FIG4: variants seen among roughly 807,000 people sequenced by gnomAD.
FIG4 encodes FIG4 phosphoinositide 5-phosphatase.
Under a neutral mutation model 118.6 loss-of-function variants are expected in FIG4, and 112 were observed. The observed-to-expected ratio is 0.94, with a 90% CI of 0.81 to 1.11. FIG4 has a LOEUF of 1.11. Ranked by LOEUF, FIG4 falls within the 50% of genes least tolerant of loss-of-function variation. The pLI, the probability that FIG4 is intolerant of heterozygous loss-of-function variation, is 0.00. For synonymous variants in FIG4, 369 were observed against 381.2 expected, an observed-to-expected ratio of 0.97 and a Z score of 0.37; for missense variants, 969 against 1,111.7, an observed-to-expected ratio of 0.87 and a Z score of 1.83.
At chr6:109,762,449 T>C (rs990374870) in intron 12 of FIG4, among the ~76,000 whole-genome samples, 3 of 151,942 alleles carry the variant, frequency 2.0e-5, no homozygotes, top group Non-Finnish European at 4.4e-5. Context: ...AAATGTTACA[T>C]AAAATATTTC....
intron 10 of FIG4, among the ~76,000 whole-genome samples, chr6:109,744,565 A>C (rs1776424374): frequency 6.6e-6 from 1 of 151,944 alleles, no homozygotes; most frequent in Non-Finnish European, 1.5e-5. Context: ...TTGGTTAATA[A>C]ATGTAGATGA....
Position 109,820,887 on chromosome 6 carries a change from G to A in FIG4, c.2547-4201G>A, listed in dbSNP as rs1341530478. On this transcript the variant is annotated intron_variant, in intron 22 of 22. Transcript: ENST00000230124. ...CCCCCACAGCCATAAAGACCTGCAT[G>A]ATAGCAGTGTGTGTGCAAGAGGAAG... 2.0e-5 allele frequency among the ~76,000 whole-genome samples: 3 copies of A among 152,170 alleles called. No individual in the cohort carries two copies. In the East Asian group the frequency reaches 5.8e-4, roughly 29 times the overall value.
In FIG4 at chr6:109,821,417, C is replaced by T. The variant is rs544703376; in HGVS notation, c.2547-3671C>T. Among the ~76,000 whole-genome samples, 198 of 152,250 alleles carry T rather than the reference C, an allele frequency of 1.3e-3. 1 individual carries two copies. Among genetic ancestry groups the T allele is most frequent in the African/African-American group, 4.5e-3 (185 of 41,546 alleles). ...AATCTCATCATAGAATTATAAAGAA[C>T]AGAGCAAAATAACATTCCTACAGAC... On this transcript the variant is annotated intron_variant, in intron 22 of 22. Coordinates refer to ENST00000230124, the MANE Select transcript of FIG4 (RefSeq NM_014845.6).
chr6:109,731,513 C>G (rs903154696), intron 4 of FIG4, among the ~76,000 whole-genome samples: 1 of 152,098 alleles, frequency 6.6e-6, no homozygotes, highest in African/African-American at 2.4e-5. Flanking sequence ...GGTTCCACCT[C>G]TGTGAATTCA....
chr6:109,813,412 T>G (rs528624659), intron 22 of FIG4, among the ~76,000 whole-genome samples: 3 of 152,356 alleles, frequency 2.0e-5, no homozygotes, highest in Admixed American at 2.0e-4. Flanking sequence ...TAAAATGTCC[T>G]TAATTGCAAA....
At chr6:109,698,509 A>G (rs552838458) in intron 1 of FIG4, among the ~76,000 whole-genome samples, 13 of 152,346 alleles carry the variant, frequency 8.5e-5, no homozygotes, top group African/African-American at 3.1e-4. Flanking sequence ...CTCTTGACCT[A>G]TGGCCCTGGC....
At chr6:109,714,744 C>G (rs1265786958) in intron 1 of FIG4, among the ~76,000 whole-genome samples, 1 of 152,142 alleles carries the variant, frequency 6.6e-6, no homozygotes, top group Admixed American at 6.5e-5. Flanking sequence ...AGAATTTTTA[C>G]CAGAGCTTCT....
chr6:109,820,793 C>CT (rs1409281244), intron 22 of FIG4, among the ~76,000 whole-genome samples: 4 of 152,250 alleles, frequency 2.6e-5, no homozygotes, highest in African/African-American at 9.6e-5. Context: ...ACAGACAACA[C>CT]TTACCTCAAA....
At chr6:109,817,939 C>G (rs1247328717) in intron 22 of FIG4, among the ~76,000 whole-genome samples, 1 of 152,202 alleles carries the variant, frequency 6.6e-6, no homozygotes, top group Non-Finnish European at 1.5e-5. Flanking sequence ...TTTTAGGTAG[C>G]TTTCAGGATC....
At chr6:109,722,493 A>G (rs1446758882) in intron 3 of FIG4, among the ~76,000 whole-genome samples, 1 of 152,124 alleles carries the variant, frequency 6.6e-6, no homozygotes, top group Non-Finnish European at 1.5e-5. Context: ...ATCCTAGCTT[A>G]GACTTTATAG....
intron 22 of FIG4, among the ~76,000 whole-genome samples, chr6:109,818,989 C>T (rs1296244829): frequency 6.6e-6 from 1 of 152,168 alleles, no homozygotes; most frequent in Non-Finnish European, 1.5e-5. Context: ...ACTGTCTGCC[C>T]TTTAGCTTCC....
intron 7 of FIG4, among the ~76,000 whole-genome samples, chr6:109,739,113 A>G (rs1776246899): frequency 6.6e-6 from 1 of 152,158 alleles, no homozygotes; most frequent in South Asian, 2.1e-4. Context: ...TTCAAGCTGG[A>G]TTAAGTAAAA....
chr6:109,696,225 CG>C (rs1479822563), intron 1 of FIG4, among the ~76,000 whole-genome samples: 1 of 152,116 alleles, frequency 6.6e-6, no homozygotes, highest in East Asian at 1.9e-4. Context: ...GTTGCTCTGA[CG>C]GGCTGTTTTC....
chr6:109,732,627 T>TC lies in FIG4; in HGVS notation c.447-10_447-9insC, dbSNP rs2128385199. The TC allele has an allele frequency of 7.5e-7, 1 of 1,334,470 alleles. No homozygotes were observed. The highest frequency in any genetic ancestry group is 1.1e-6 in the Non-Finnish European group (1 of 936,378). The allele number at this position is 1,334,470 out of a possible 1,614,324, so 82.7% of individuals were successfully genotyped here. A position where few individuals can be genotyped will look rare whatever the true frequency, so the allele number is the denominator to read the frequency against. On this transcript the variant is annotated splice_polypyrimidine_tract_variant and intron_variant, in intron 4 of 22. Transcript: ENST00000230124. The stretch of plus-strand genomic sequence containing the variant: ...GACAAATGAAATGTACTTTGTTTTT[T>TC]TTTTTTTAGGTATCTACGAATATTT...
intron 10 of FIG4, among the ~76,000 whole-genome samples, chr6:109,746,941 G>A (rs1164810611): frequency 1.3e-5 from 2 of 151,964 alleles, no homozygotes; most frequent in African/African-American, 4.8e-5. Flanking sequence ...GGAGTAGGGG[G>A]TGTCAGGCTC....
At chr6:109,761,565 T>C (rs1360075899) in intron 11 of FIG4, among the ~76,000 whole-genome samples, 2 of 152,184 alleles carry the variant, frequency 1.3e-5, no homozygotes, top group Non-Finnish European at 2.9e-5. Context: ...TTTTATATTT[T>C]TAGTGGAGAT....
At position 109,796,855 on chromosome 6, in the gene FIG4, A is replaced by G. The variant is rs1260164921; in HGVS notation, c.2546+4A>G. 1.3e-6 allele frequency: 2 copies of G among 1,512,546 alleles called. No homozygotes were observed. Among genetic ancestry groups the G allele is most frequent in the Non-Finnish European group, 9.2e-7 (1 of 1,087,104 alleles). The allele number at this position is 1,512,546 out of a possible 1,614,324, so 93.7% of individuals were successfully genotyped here. A position where few individuals can be genotyped will look rare whatever the true frequency, so the allele number is the denominator to read the frequency against. ...GCTCAGATGGAGTTATAAAACTGTAAGTACTAGATTAGATCTTTAAAGAAA... is the reference window on the plus strand; with the variant it reads ...GCTCAGATGGAGTTATAAAACTGTAGGTACTAGATTAGATCTTTAAAGAAA... On this transcript the variant is annotated splice_donor_region_variant and intron_variant, in intron 22 of 22. Coordinates refer to ENST00000230124, the MANE Select transcript of FIG4 (RefSeq NM_014845.6).
chr6:109,758,802 A>T (rs1583693268), intron 10 of FIG4, among the ~76,000 whole-genome samples: 1 of 152,360 alleles, frequency 6.6e-6, no homozygotes, highest in African/African-American at 2.4e-5. Flanking sequence ...ATATGAACAG[A>T]CACTTCTCAA....
chr6:109,730,481 C>T (rs1388218146), intron 4 of FIG4, among the ~76,000 whole-genome samples: 1 of 152,010 alleles, frequency 6.6e-6, no homozygotes, highest in African/African-American at 2.4e-5. Context: ...ACAAGAAAAA[C>T]AAGAAGGGAT....
Sources: gnomAD v4.1 joint callset for allele counts (sites outside exome capture counted in the v4.1 genomes callset) on GRCh38, gnomAD v4.1.1 for gene constraint, MANE v1.5 for transcripts, NCBI Gene and HGNC (gene_info 2026-07-23, HGNC 2026-07-21) for gene names.